LHPP: variants seen among roughly 807,000 people sequenced by gnomAD.
LHPP encodes the protein hLHPP.
Under a neutral mutation model 30.3 loss-of-function variants are expected in LHPP, and 24 were observed. The ratio of observed to expected loss-of-function variants is 0.79; its 90% CI spans 0.57 to 1.11. The LOEUF (loss-of-function observed/expected upper bound fraction) is 1.11, where lower values mean the gene tolerates loss of function less well. Ranked by LOEUF, LHPP falls within the 50% of genes most tolerant of loss-of-function variation. The pLI, the probability that LHPP is intolerant of heterozygous loss-of-function variation, is 0.00. For synonymous variants in LHPP, 150 were observed against 157.1 expected (o/e 0.95, Z 0.34); for missense variants, 356 against 367.2 (o/e 0.97, Z 0.25).
intron 2 of LHPP, among the ~76,000 whole-genome samples, chr10:124,485,028 A>G (rs1564779846): frequency 6.6e-6 from 1 of 152,074 alleles, no homozygotes; most frequent in Non-Finnish European, 1.5e-5. Flanking sequence ...TCTGCACTTG[A>G]TATTTTTAGT....
intron 6 of LHPP, among the ~76,000 whole-genome samples, chr10:124,580,357 G>A (rs910496681): frequency 6.6e-6 from 1 of 152,194 alleles, no homozygotes; most frequent in Admixed American, 6.5e-5. Flanking sequence ...TTAGAAAGAA[G>A]GATATTCTAC....
intron 3 of LHPP, chr10:124,490,343 G>A (rs1324812140): frequency 2.6e-5 from 7 of 269,164 alleles, no homozygotes; most frequent in South Asian, 7.6e-5. Flanking sequence ...GGTGGTAATC[G>A]CAGAGATTCT....
chr10:124,487,276 T>C (rs1953359926), intron 2 of LHPP, among the ~76,000 whole-genome samples: 1 of 152,170 alleles, frequency 6.6e-6, no homozygotes, highest in South Asian at 2.1e-4. Flanking sequence ...CTTTGTAAAA[T>C]TCTGCCAGAC....
chr10:124,499,706 T>C (rs1023300489), intron 5 of LHPP, among the ~76,000 whole-genome samples: 1 of 151,916 alleles, frequency 6.6e-6, no homozygotes, highest in African/African-American at 2.4e-5. Flanking sequence ...GCTGTCCTGC[T>C]GCCTCCTCAG....
chr10:124,580,297 T>G lies in LHPP; in HGVS notation c.717-32967T>G, dbSNP rs1699909349. ...GATGTATTAATCATGATGTTGTAGTTTGTGCATTTTCTATCTTGTCTAAGA... is the reference window on the plus strand; with the variant it reads ...GATGTATTAATCATGATGTTGTAGTGTGTGCATTTTCTATCTTGTCTAAGA... On this transcript the variant is annotated intron_variant, in intron 6 of 6. Transcript: ENST00000368842. Among the ~76,000 whole-genome samples the G allele has an allele frequency of 2.0e-5, 3 of 152,258 alleles. No individual in the cohort carries two copies. The South Asian group carries it at 6.2e-4, about 32-fold the overall frequency.
chr10:124,566,368 G>A (rs1432330756), intron 6 of LHPP, among the ~76,000 whole-genome samples: 1 of 152,226 alleles, frequency 6.6e-6, no homozygotes, highest in Non-Finnish European at 1.5e-5. Context: ...CAGGGAGACT[G>A]CAGGTGCCAG....
At chr10:124,488,907 G>A (rs2133857424) in intron 3 of LHPP, among the ~76,000 whole-genome samples, 1 of 152,206 alleles carries the variant, frequency 6.6e-6, no homozygotes, top group Non-Finnish European at 1.5e-5. Flanking sequence ...GAGCAAAGAA[G>A]GAGAAGGTGC....
In LHPP at chr10:124,523,447, G is replaced by C. The variant is rs1359164457; in HGVS notation, c.716+6176G>C. ...CGCCTGGCCTTTGACCTTGGAAGCG[G>C]CTGCCGTCAAAGCAGCAGCTTGTCC... is the stretch of plus-strand genomic sequence containing the variant. On this transcript the variant is annotated intron_variant, in intron 6 of 6. Transcript: ENST00000368842. This position sits in a 1 kb window ranked among gnomAD's most constrained non-coding sequence, Gnocchi z 4.2. Among the ~76,000 whole-genome samples the C allele has an allele frequency of 6.6e-6, 1 of 152,252 alleles. No homozygotes were observed. Among genetic ancestry groups the C allele is most frequent in the Non-Finnish European group, 1.5e-5 (1 of 68,046 alleles).
At chr10:124,582,351 TG>T (rs2133992752) in intron 6 of LHPP, among the ~76,000 whole-genome samples, 1 of 152,326 alleles carries the variant, frequency 6.6e-6, no homozygotes, top group Admixed American at 6.5e-5. Context: ...CTCAAAGTGT[TG>T]GGATTATAGG....
intron 6 of LHPP, among the ~76,000 whole-genome samples, chr10:124,558,123 G>T (rs1480876992): frequency 6.6e-6 from 1 of 152,146 alleles, no homozygotes; most frequent in African/African-American, 2.4e-5. Flanking sequence ...TTGTGCTGCA[G>T]CTGGGCCAGC....
At chr10:124,462,161 T>A (rs1952421929) in intron 1 of LHPP, among the ~76,000 whole-genome samples, 174 bp downstream of exon 1, 1 of 152,076 alleles carries the variant, frequency 6.6e-6, no homozygotes, top group African/African-American at 2.4e-5. Flanking sequence ...ACCCCACTGT[T>A]GCCCCCGGCG....
At chr10:124,495,035 A>G (rs975242733) in intron 3 of LHPP, among the ~76,000 whole-genome samples, 1 of 152,196 alleles carries the variant, frequency 6.6e-6, no homozygotes, top group Non-Finnish European at 1.5e-5. Flanking sequence ...CATCAGACCA[A>G]AGTAGCTGAT....
At chr10:124,603,028 C>T (rs1949045004) in intron 6 of LHPP, among the ~76,000 whole-genome samples, 1 of 148,336 alleles carries the variant, frequency 6.7e-6, no homozygotes. Flanking sequence ...GTGTGGCCAG[C>T]TGCAGTCCCT....
chr10:124,495,976 A>G (rs757717831), intron 3 of LHPP, among the ~76,000 whole-genome samples: 2 of 152,170 alleles, frequency 1.3e-5, no homozygotes, highest in Non-Finnish European at 2.9e-5. Flanking sequence ...CTGAATGCTC[A>G]AGTCAGCATG....
chr10:124,502,767 C>T (rs984744347), intron 5 of LHPP, among the ~76,000 whole-genome samples: 2 of 148,340 alleles, frequency 1.3e-5, no homozygotes, highest in East Asian at 2.0e-4. Context: ...TCCTCCACCT[C>T]CTGGGTTCAA....
At chr10:124,521,037 G>A (rs1318174256) in intron 6 of LHPP, among the ~76,000 whole-genome samples, 2 of 152,206 alleles carry the variant, frequency 1.3e-5, no homozygotes, top group Non-Finnish European at 2.9e-5. Flanking sequence ...GGCCCCAGGT[G>A]GCAGCTGCCC....
At chr10:124,532,926 G>A (rs937126180) in intron 6 of LHPP, among the ~76,000 whole-genome samples, 1 of 152,194 alleles carries the variant, frequency 6.6e-6, no homozygotes, top group Non-Finnish European at 1.5e-5. Context: ...CTTGTACTTT[G>A]GAAATGAGAA....
rs1356926999 is a variant in LHPP at position 124,583,290 on chromosome 10, G to C, written c.717-29974G>C. Among the ~76,000 whole-genome samples, 3 of 152,142 alleles carry C rather than the reference G, an allele frequency of 2.0e-5. No individual in the cohort carries two copies. The East Asian group carries it at 5.8e-4, about 29-fold the overall frequency. ...TATATATTCTTAGCTGTAACAGATAGGTTTTTGATACATTGTTAATTCACT... is the reference window on the plus strand; with the variant it reads ...TATATATTCTTAGCTGTAACAGATACGTTTTTGATACATTGTTAATTCACT... On this transcript the variant is annotated intron_variant, in intron 6 of 6. Coordinates refer to ENST00000368842, the MANE Select transcript of LHPP (RefSeq NM_022126.4).
At chr10:124,598,530 C>T (rs1247422277) in intron 6 of LHPP, among the ~76,000 whole-genome samples, 4 of 152,194 alleles carry the variant, frequency 2.6e-5, no homozygotes, top group Non-Finnish European at 5.9e-5. Context: ...CCCACCATCT[C>T]CTGAGGTGGG....
Sources: gnomAD v4.1 joint callset for allele counts (sites outside exome capture counted in the v4.1 genomes callset) on GRCh38, gnomAD v4.1.1 for gene constraint, Gnocchi (gnomAD v3.1) non-coding constraint, MANE v1.5 for transcripts, NCBI Gene and HGNC (gene_info 2026-07-23, HGNC 2026-07-21) for gene names.